The following DTX4 variants were observed in gnomAD, a reference collection of about 807,000 sequenced individuals.
The protein encoded by DTX4 is E3 ubiquitin-protein ligase DTX4.
Under a neutral mutation model 57.6 loss-of-function variants are expected in DTX4, and 28 were observed. The ratio of observed to expected loss-of-function variants is 0.49; its 90% CI spans 0.36 to 0.67. The LOEUF (loss-of-function observed/expected upper bound fraction) is 0.67. Ranked by LOEUF, DTX4 falls within the 30% of genes least tolerant of loss-of-function variation. The pLI is 0.00. For missense variants in DTX4, 715 were observed against 836.8 expected (o/e 0.85, Z 1.80); for synonymous variants, 316 against 331.0 (o/e 0.95, Z 0.49).
intron 2 of DTX4, among the ~76,000 whole-genome samples, chr11:59,184,875 C>G (rs1862508858): frequency 6.6e-6 from 1 of 152,224 alleles, no homozygotes; most frequent in Admixed American, 6.5e-5. Context: ...TCCCTCACCC[C>G]CAATCCCATC....
At chr11:59,193,560 G>C (rs1194893798) in intron 6 of DTX4, among the ~76,000 whole-genome samples, 1 of 152,094 alleles carries the variant, frequency 6.6e-6, no homozygotes, top group African/African-American at 2.4e-5. Flanking sequence ...TAGCACATTT[G>C]TTCCCTATTT....
At position 59,206,659 on chromosome 11, in the gene DTX4, G is replaced by A. The variant is rs1862814280; in HGVS notation, c.*1750G>A. 1 of 152,584 alleles carries A rather than the reference G, an allele frequency of 6.6e-6. No individual in the cohort carries two copies. The highest frequency in any genetic ancestry group is 1.5e-5 in the Non-Finnish European group (1 of 68,022). 9.5% of individuals were successfully genotyped at this position (152,584 alleles called of 1,614,324 possible). A position where few individuals can be genotyped will look rare whatever the true frequency, so the allele number is the denominator to read the frequency against. ...CATAAAGCCAGCCCCATAGCTGCTTGCTGTTAGGCCTCCAGCCATTTTGAC... is the reference window on the plus strand; with the variant it reads ...CATAAAGCCAGCCCCATAGCTGCTTACTGTTAGGCCTCCAGCCATTTTGAC... On this transcript the variant is annotated 3_prime_UTR_variant, in exon 9 of 9. Transcript: ENST00000227451.
intron 6 of DTX4, among the ~76,000 whole-genome samples, chr11:59,193,854 C>T (rs1246849902): frequency 3.3e-5 from 5 of 152,156 alleles, no homozygotes; most frequent in African/African-American, 1.2e-4. Context: ...TGGAGAAGTC[C>T]CTAAATAGCT....
At chr11:59,193,480 A>G (rs1862625132) in intron 6 of DTX4, among the ~76,000 whole-genome samples, 1 of 152,168 alleles carries the variant, frequency 6.6e-6, no homozygotes, top group Non-Finnish European at 1.5e-5. Flanking sequence ...TCACTTTCCC[A>G]ACCCTGGGCT....
At chr11:59,192,885 T>C (rs953779402) in intron 6 of DTX4, among the ~76,000 whole-genome samples, 10 of 152,216 alleles carry the variant, frequency 6.6e-5, no homozygotes, top group African/African-American at 9.6e-5. Flanking sequence ...TCATTAGAGC[T>C]GGTTCTTTGG....
chr11:59,182,736 C>G (rs761066138), intron 2 of DTX4, among the ~76,000 whole-genome samples: 4 of 152,168 alleles, frequency 2.6e-5, no homozygotes, highest in Non-Finnish European at 4.4e-5. Context: ...TCCTAACTTT[C>G]TCATCTGTAA....
At chr11:59,185,247 T>A (rs928589306) in intron 2 of DTX4, 1 of 152,212 alleles carries the variant, frequency 6.6e-6, no homozygotes, top group Non-Finnish European at 1.5e-5. Context: ...AGAGACAAGA[T>A]CCTTGTCCTG....
intron 2 of DTX4, chr11:59,185,333 C>A (rs890769195): frequency 2.0e-5 from 3 of 152,198 alleles, no homozygotes; most frequent in Non-Finnish European, 4.4e-5. Context: ...GAGATATACT[C>A]CCTCCCTCAA....
At position 59,201,521 on chromosome 11, in the gene DTX4, A is replaced by G. The variant is rs377038507; in HGVS notation, c.1626+1748A>G. ...TTCCACTCACCCTTCACAGGCCCCA[A>G]CAAGTCCTGGGCAAGCCAGATAAGG... On this transcript the variant is annotated intron_variant, in intron 8 of 8. Transcript: ENST00000227451. Among the ~76,000 whole-genome samples, 606 of 152,260 alleles carry G rather than the reference A, an allele frequency of 4.0e-3. 4 individuals are homozygous for G. Among genetic ancestry groups the G allele is most frequent in the African/African-American group, 0.013 (555 of 41,564 alleles).
At chr11:59,186,857 T>C (rs1862535438) in intron 2 of DTX4, among the ~76,000 whole-genome samples, 2 of 152,154 alleles carry the variant, frequency 1.3e-5, no homozygotes, top group African/African-American at 4.8e-5. Context: ...TTCTCCTCCA[T>C]CCTCCCATCC....
chr11:59,182,255 C>T lies in DTX4; in HGVS notation c.728C>T (p.Thr243Ile). 6.2e-7 allele frequency: 1 copy of T among 1,612,308 alleles called. No individual in the cohort carries two copies. Residue 243 changes from threonine to isoleucine, a missense_variant, in exon 2 of 9, where the codon ACA (threonine) becomes ATA (isoleucine). By Grantham distance (89) the Thr-to-Ile change is moderately conservative. Coordinates refer to ENST00000227451, the MANE Select transcript of DTX4 (RefSeq NM_015177.2). ...PGSGAKPLDSTGTIRGPLKTA... is the reference protein window; with the variant it reads ...PGSGAKPLDSIGTIRGPLKTA... ...TCTGGGGCCAAGCCACTGGACAGCA[C>T]AGGCACCATTCGAGGCCCACTGAAG...
At position 59,181,912 on chromosome 11, in the gene DTX4, A is replaced by C. The variant is rs762336958; in HGVS notation, c.385A>C (p.Ile129Leu). The C allele has an allele frequency of 1.2e-6, 2 of 1,613,924 alleles. No individual in the cohort carries two copies. The highest frequency in any genetic ancestry group is 2.2e-5 in the East Asian group (1 of 44,880). Reference protein sequence around the residue: ...KQHPWIDLTSIGFSYVIDFNT... With the variant: ...KQHPWIDLTSLGFSYVIDFNT... ...GCACCCCTGGATCGACCTCACTTCC[A>C]TTGGCTTTAGCTACGTAATTGACTT... is the stretch of plus-strand genomic sequence containing the variant. Residue 129 changes from isoleucine to leucine, a missense_variant, in exon 2 of 9, where the codon ATT (isoleucine) becomes CTT (leucine). Physicochemically the swap from Ile to Leu is conservative, Grantham distance 5 (BLOSUM62 2). Transcript: ENST00000227451.
In DTX4 at chr11:59,172,584, C is replaced by T; in HGVS notation, c.-12C>T. 2 of 1,441,826 alleles carry T rather than the reference C, an allele frequency of 1.4e-6. No individual in the cohort carries two copies. Among genetic ancestry groups the T allele is most frequent in the Non-Finnish European group, 1.8e-6 (2 of 1,101,030 alleles). 89.3% of individuals were successfully genotyped at this position (1,441,826 alleles called of 1,614,324 possible). A position where few individuals can be genotyped will look rare whatever the true frequency, so the allele number is the denominator to read the frequency against. On this transcript the variant is annotated 5_prime_UTR_variant, in exon 1 of 9. Coordinates refer to ENST00000227451, the MANE Select transcript of DTX4 (RefSeq NM_015177.2). The stretch of plus-strand genomic sequence containing the variant: ...GAGGCGGGCCGCGCAGCGCCGCAGC[C>T]CCGGGCTCGCCATGCTCCTGGCCTC...
At chr11:59,180,650 G>A (rs1439395749) in intron 1 of DTX4, among the ~76,000 whole-genome samples, 1 of 152,140 alleles carries the variant, frequency 6.6e-6, no homozygotes, top group East Asian at 1.9e-4. Context: ...ACCCTGCCCT[G>A]AGCTAGACAT....
rs1862812010 is a variant in DTX4, at chr11:59,206,515, A to ATATG, written c.*1609_*1610insGTAT. On this transcript the variant is annotated 3_prime_UTR_variant, in exon 9 of 9. Transcript: ENST00000227451. ...CATGTTTTGGGGGTTTGACGTATATATATATATATATATATGCATATATAT... is the reference window on the plus strand; with the variant it reads ...CATGTTTTGGGGGTTTGACGTATATATATGTATATATATATATATGCATATATAT... 2 of 149,280 alleles carry ATATG rather than the reference A, an allele frequency of 1.3e-5. No individual in the cohort carries two copies. Among genetic ancestry groups the ATATG allele is most frequent in the Admixed American group, 6.7e-5 (1 of 14,974 alleles). 9.2% of individuals were successfully genotyped at this position (149,280 alleles called of 1,614,324 possible).
intron 5 of DTX4, 48 bp from the exon 6 acceptor site, chr11:59,192,050 G>A (rs1211466791): frequency 6.3e-7 from 1 of 1,589,798 alleles, no homozygotes; most frequent in Non-Finnish European, 8.6e-7. Flanking sequence ...AATCTCCCAG[G>A]CTGAGTGAGA....
At chr11:59,193,097 A>G (rs1862619977) in intron 6 of DTX4, among the ~76,000 whole-genome samples, 1 of 152,166 alleles carries the variant, frequency 6.6e-6, no homozygotes, top group Admixed American at 6.5e-5. Flanking sequence ...AGCAAGAAGT[A>G]TGTCTGGATT....
chr11:59,200,794 A>G (rs1862731683), intron 8 of DTX4, among the ~76,000 whole-genome samples: 1 of 152,236 alleles, frequency 6.6e-6, no homozygotes, highest in South Asian at 2.1e-4. Flanking sequence ...CCCGATCTCA[A>G]AAGGAGTAGG....
At chr11:59,197,926 C>T (rs185711588) in intron 7 of DTX4, among the ~76,000 whole-genome samples, 2 of 152,310 alleles carry the variant, frequency 1.3e-5, no homozygotes, top group African/African-American at 4.8e-5. Context: ...CTAGGGGATA[C>T]AGGTGGTGCA....
Sources: allele counts gnomAD v4.1 joint callset (sites outside exome capture counted in the v4.1 genomes callset), GRCh38; gene constraint gnomAD v4.1.1; transcripts MANE v1.5; gene names NCBI Gene and HGNC (gene_info 2026-07-23, HGNC 2026-07-21).